The following KAZN variants were observed in gnomAD, a reference collection of about 807,000 sequenced individuals.
The protein encoded by KAZN is kazrin, periplakin interacting protein, also known as kazrin.
A neutral mutation model predicts 87.4 loss-of-function variants in KAZN; 40 were observed. That is an observed-to-expected ratio of 0.46 (90% CI 0.36 to 0.60). KAZN has a LOEUF of 0.60. Among genes scored for constraint, KAZN ranks in the 20% least tolerant of loss-of-function variants. The pLI, the probability that KAZN is intolerant of heterozygous loss-of-function variation, is 0.00. For synonymous variants in KAZN, 466 were observed against 458.3 expected (o/e 1.02, Z -0.22); for missense variants, 898 against 1,073.9 (o/e 0.84, Z 2.29).
intron 2 of KAZN, among the ~76,000 whole-genome samples, chr1:14,447,316 G>T (rs1227694940): frequency 1.3e-5 from 2 of 150,886 alleles, no homozygotes; most frequent in Non-Finnish European, 2.9e-5. Flanking sequence ...TCAGCTCACT[G>T]CAAGCTCCAC....
At chr1:15,055,626 ACTT>A (rs1187874361) in intron 4 of KAZN, among the ~76,000 whole-genome samples, 1 of 152,154 alleles carries the variant, frequency 6.6e-6, no homozygotes, top group Non-Finnish European at 1.5e-5. Context: ...TTCAAACTTC[ACTT>A]CTTCTACTTG....
At chr1:14,053,098 T>C (rs1287490733) in intron 1 of KAZN, among the ~76,000 whole-genome samples, 2 of 152,196 alleles carry the variant, frequency 1.3e-5, no homozygotes, top group Non-Finnish European at 2.9e-5. Flanking sequence ...TACATGGCAG[T>C]GGTCACGGGA....
At chr1:14,511,097 G>A (rs935776399) in intron 2 of KAZN, among the ~76,000 whole-genome samples, 1 of 130,394 alleles carries the variant, frequency 7.7e-6, no homozygotes, top group Admixed American at 8.3e-5. Flanking sequence ...GGGCTTTAGA[G>A]TTATCTGCGG....
At chr1:14,165,348 C>T (rs1329842802) in intron 1 of KAZN, among the ~76,000 whole-genome samples, 1 of 151,676 alleles carries the variant, frequency 6.6e-6, no homozygotes, top group Non-Finnish European at 1.5e-5. Flanking sequence ...CTGCCTTAGC[C>T]CCGTGTCTTC....
intron 2 of KAZN, among the ~76,000 whole-genome samples, chr1:14,255,860 CA>C (rs966906178): frequency 3.3e-5 from 5 of 152,142 alleles, no homozygotes. Context: ...CAATTTGAAC[CA>C]AGGACTGGCT....
intron 2 of KAZN, among the ~76,000 whole-genome samples, chr1:14,327,166 A>G (rs369247835): frequency 9.2e-5 from 14 of 152,290 alleles, no homozygotes; most frequent in African/African-American, 1.9e-4. Flanking sequence ...TAAAATATTA[A>G]TGTTCTCAAG....
At chr1:14,122,911 T>G (rs1360994637) in intron 1 of KAZN, among the ~76,000 whole-genome samples, 1 of 152,232 alleles carries the variant, frequency 6.6e-6, no homozygotes, top group African/African-American at 2.4e-5. Flanking sequence ...TTTTTGTCTA[T>G]GGCTACTGCT....
At chr1:14,635,210 C>T (rs1273254457) in intron 1 of KAZN, among the ~76,000 whole-genome samples, 1 of 152,172 alleles carries the variant, frequency 6.6e-6, no homozygotes, top group South Asian at 2.1e-4. Context: ...TTCTGAAATG[C>T]GGACATCCAC....
chr1:14,023,838 T>G (rs1640954744), intron 1 of KAZN, among the ~76,000 whole-genome samples: 1 of 152,116 alleles, frequency 6.6e-6, no homozygotes, highest in African/African-American at 2.4e-5. Context: ...ACCTCTCCTG[T>G]CCTGAGATTT....
At chr1:15,093,770 G>A (rs889135235) in intron 8 of KAZN, among the ~76,000 whole-genome samples, 1 of 152,142 alleles carries the variant, frequency 6.6e-6, no homozygotes, top group Admixed American at 6.5e-5. Flanking sequence ...AGCTCGCCAG[G>A]AATTTCCTTG....
At chr1:14,867,796 C>T (rs944136711) in intron 1 of KAZN, among the ~76,000 whole-genome samples, 6 of 147,376 alleles carry the variant, frequency 4.1e-5, no homozygotes, top group African/African-American at 1.5e-4. Flanking sequence ...CATGGCCCCT[C>T]GTCTGGGGCT....
intron 2 of KAZN, among the ~76,000 whole-genome samples, chr1:14,231,649 A>C (rs1282594178): frequency 6.6e-6 from 1 of 152,210 alleles, no homozygotes; most frequent in Non-Finnish European, 1.5e-5. Context: ...GGAATTCCTC[A>C]ACACTACCTA....
chr1:14,828,338 C>T (rs369997544), intron 1 of KAZN, among the ~76,000 whole-genome samples: 10 of 152,174 alleles, frequency 6.6e-5, no homozygotes, highest in African/African-American at 1.7e-4. Flanking sequence ...GTTTTATTTT[C>T]GTCCTATTTT....
chr1:13,999,450 ATGAC>A (rs1359971340), intron 1 of KAZN, among the ~76,000 whole-genome samples: 2 of 152,238 alleles, frequency 1.3e-5, no homozygotes, highest in African/African-American at 4.8e-5. Context: ...TTGCTCCTGA[ATGAC>A]TCCTGGGTAA....
At chr1:14,101,641 T>C (rs1644250729) in intron 1 of KAZN, among the ~76,000 whole-genome samples, 1 of 152,232 alleles carries the variant, frequency 6.6e-6, no homozygotes, top group African/African-American at 2.4e-5. Flanking sequence ...AATGGGTACA[T>C]ATTGTTTAAC....
chr1:14,177,614 A>T (rs947388728), intron 1 of KAZN, among the ~76,000 whole-genome samples: 76 of 152,260 alleles, frequency 5.0e-4, no homozygotes, highest in African/African-American at 1.8e-3. Flanking sequence ...GTTTGCATAG[A>T]TTCCGATGAG....
chr1:15,006,242 C>T (rs1668986434), intron 2 of KAZN, among the ~76,000 whole-genome samples: 2 of 152,222 alleles, frequency 1.3e-5, no homozygotes, highest in Admixed American at 1.3e-4. Context: ...AGGAGTAAGA[C>T]TAGAGGTAGA....
intron 1 of KAZN, among the ~76,000 whole-genome samples, chr1:14,853,589 GAGA>G (rs1553145678): frequency 6.6e-6 from 1 of 152,158 alleles, no homozygotes; most frequent in Non-Finnish European, 1.5e-5. Flanking sequence ...CTCTCAGTGG[GAGA>G]AGAACATTCC....
At chr1:13,981,392 C>T (rs1016661670) in intron 1 of KAZN, among the ~76,000 whole-genome samples, 3 of 150,758 alleles carry the variant, frequency 2.0e-5, no homozygotes, top group African/African-American at 7.3e-5. Context: ...TTTAATATTA[C>T]AGTGAGCTGG....
Sources: allele counts gnomAD v4.1 joint callset (sites outside exome capture counted in the v4.1 genomes callset), GRCh38; gene constraint gnomAD v4.1.1; transcripts MANE v1.5; gene names NCBI Gene and HGNC (gene_info 2026-07-23, HGNC 2026-07-21).